The following TGM6 variants were observed in gnomAD, a reference collection of about 807,000 sequenced individuals.
TGM6 encodes the protein transglutaminase 6.
A neutral mutation model predicts 77.5 loss-of-function variants in TGM6; 74 were observed. The observed-to-expected ratio is 0.96, with a 90% confidence interval of 0.79 to 1.16. The LOEUF (loss-of-function observed/expected upper bound fraction) is 1.16, where lower values mean the gene tolerates loss of function less well. Among genes scored for constraint, TGM6 ranks in the 50% most tolerant of loss-of-function variants. The probability of loss-of-function intolerance (pLI) is 0.00; values close to 1 mark genes in which losing one functional copy is unlikely to be tolerated. For missense variants in TGM6, 968 were observed against 940.2 expected (o/e 1.03, Z -0.39); for synonymous variants, 383 against 378.9 (o/e 1.01, Z -0.12).
At chr20:2,423,045 T>C (rs1599968250) in intron 10 of TGM6, among the ~76,000 whole-genome samples, 1 of 151,768 alleles carries the variant, frequency 6.6e-6, no homozygotes, top group East Asian at 2.0e-4. Flanking sequence ...GGCTGCTACC[T>C]TAGTTGATAA....
chr20:2,430,632 C>G, intron 11 of TGM6, 32 bp downstream of exon 11: 1 of 1,613,332 alleles, frequency 6.2e-7, no homozygotes, highest in Middle Eastern at 1.7e-4. Flanking sequence ...CATGCTGTTC[C>G]TAGTGGCACC....
At position 2,417,833 on chromosome 20, in the gene TGM6, T is replaced by C. The variant is rs77254585; in HGVS notation, c.1678+260T>C. Among the ~76,000 whole-genome samples, 27,852 of 152,130 alleles carry C rather than the reference T, an allele frequency of 0.18. 2,649 individuals are homozygous for C. Among genetic ancestry groups the C allele is most frequent in the East Asian group, 0.25 (1,267 of 5,170 alleles). Reference sequence around the variant, plus strand: ...TCTGATGAAGATGTGATTTATAGTTTCTATTTTTTTAATTAGAATGAATAT... The same window carrying C: ...TCTGATGAAGATGTGATTTATAGTTCCTATTTTTTTAATTAGAATGAATAT... On this transcript the variant is annotated intron_variant, in intron 10 of 12. Coordinates refer to ENST00000202625, the MANE Select transcript of TGM6 (RefSeq NM_198994.3).
At chr20:2,395,141 A>G (rs1674420017) in intron 2 of TGM6, 53 bp from the exon 3 acceptor site, 1 of 1,599,450 alleles carries the variant, frequency 6.3e-7, no homozygotes, top group South Asian at 1.1e-5. Flanking sequence ...TCACTTCTCT[A>G]AAGCTGGGTT....
intron 1 of TGM6, among the ~76,000 whole-genome samples, chr20:2,393,334 T>G (rs1417799542): frequency 1.3e-5 from 2 of 152,132 alleles, no homozygotes; most frequent in Admixed American, 6.5e-5. Context: ...TTTTTGCATT[T>G]TTGTGCTTTT....
intron 9 of TGM6, among the ~76,000 whole-genome samples, chr20:2,412,514 A>T (rs1262735170): frequency 7.5e-6 from 1 of 132,496 alleles, no homozygotes; most frequent in African/African-American, 3.6e-5. Context: ...CACAATTTTT[A>T]AAATAGAAAG....
At chr20:2,423,252 A>G (rs1376500698) in intron 10 of TGM6, among the ~76,000 whole-genome samples, 1 of 151,254 alleles carries the variant, frequency 6.6e-6, no homozygotes, top group Non-Finnish European at 1.5e-5. Flanking sequence ...CCTTTCACGA[A>G]GGATTTCTCT....
intron 1 of TGM6, among the ~76,000 whole-genome samples, chr20:2,383,828 C>T (rs2084572918): frequency 6.6e-6 from 1 of 152,060 alleles, no homozygotes; most frequent in African/African-American, 2.4e-5. Context: ...TGTTTGTAGG[C>T]CGGGCGCGGT....
intron 5 of TGM6, among the ~76,000 whole-genome samples, chr20:2,399,133 T>A (rs1599950530): frequency 8.0e-6 from 1 of 124,910 alleles, no homozygotes; most frequent in East Asian, 2.2e-4. Flanking sequence ...GCTCAGTTTT[T>A]GCATCTGAAA....
At chr20:2,419,464 A>G (rs2084841758) in intron 10 of TGM6, among the ~76,000 whole-genome samples, 1 of 152,228 alleles carries the variant, frequency 6.6e-6, no homozygotes, top group South Asian at 2.1e-4. Flanking sequence ...ATTTTAATTA[A>G]CACACACTTC....
chr20:2,393,808 C>T (rs747780806), intron 1 of TGM6, among the ~76,000 whole-genome samples: 8 of 152,058 alleles, frequency 5.3e-5, no homozygotes, highest in Non-Finnish European at 1.2e-4. Flanking sequence ...ATTCCAGGCG[C>T]GAGCCACCAC....
chr20:2,399,141 A>AG (rs2084687987), intron 5 of TGM6, among the ~76,000 whole-genome samples: 1 of 90,396 alleles, frequency 1.1e-5, no homozygotes, highest in Non-Finnish European at 2.6e-5. Context: ...TTTGCATCTG[A>AG]AAAAAAAAAA....
intron 9 of TGM6, among the ~76,000 whole-genome samples, chr20:2,415,525 G>T (rs2084810392): frequency 6.6e-6 from 1 of 152,172 alleles, no homozygotes; most frequent in African/African-American, 2.4e-5. Flanking sequence ...ACAGATTAAT[G>T]AAAACAGTAA....
At chr20:2,381,601 T>A (rs1201577780) in intron 1 of TGM6, among the ~76,000 whole-genome samples, 1 of 152,124 alleles carries the variant, frequency 6.6e-6, no homozygotes, top group Non-Finnish European at 1.5e-5. Context: ...ACATCTCAAG[T>A]GGGGACTTGT....
In TGM6 at chr20:2,430,405, A is replaced by T. The variant is rs540212010; in HGVS notation, c.1679-41A>T. On this transcript the variant is annotated intron_variant, in intron 10 of 12. Transcript: ENST00000202625. ...CCTTCTTCCCAGTGCCATTGAAGAA[A>T]GACATCAAGCCCCAACTCCCACTTC... 6.9e-4 allele frequency: 1,118 copies of T among 1,613,130 alleles called. 11 individuals are homozygous for T. The South Asian group carries it at 0.012, about 17-fold the overall frequency.
chr20:2,399,669 T>C lies in TGM6; in HGVS notation c.781T>C (p.Trp261Arg), dbSNP rs1406891687. Residue 261 changes from tryptophan to arginine, a missense_variant, in exon 6 of 13, where the codon TGG (tryptophan) becomes CGG (arginine). Physicochemically the swap from Trp to Arg is moderately radical, Grantham distance 101. Transcript: ENST00000202625. ...WRGSVAILQK[W>R]LKGRYKPVKY... ...CGGCAGCGTGGCCATTCTGCAGAAG[T>C]GGCTCAAGGGCAGGTACAAGCCAGT... The C allele has an allele frequency of 6.2e-7, 1 of 1,613,736 alleles. No homozygotes were observed. The highest frequency in any genetic ancestry group is 1.7e-5 in the Admixed American group (1 of 60,004).
chr20:2,395,897 A>G (rs2084662016), intron 3 of TGM6, among the ~76,000 whole-genome samples: 1 of 152,200 alleles, frequency 6.6e-6, no homozygotes, highest in Non-Finnish European at 1.5e-5. Context: ...TTTAAGAAAT[A>G]TGGCCGGGTG....
At chr20:2,407,138 A>G (rs2084757862) in intron 9 of TGM6, among the ~76,000 whole-genome samples, 1 of 152,206 alleles carries the variant, frequency 6.6e-6, no homozygotes, top group Non-Finnish European at 1.5e-5. Context: ...CCCAGAGCCC[A>G]TGCTCCTCAC....
chr20:2,405,844 G>A (rs2084746982), intron 9 of TGM6, among the ~76,000 whole-genome samples: 2 of 152,198 alleles, frequency 1.3e-5, no homozygotes, highest in African/African-American at 4.8e-5. Flanking sequence ...GTGGGTAGAA[G>A]GAGCAGTCTT....
chr20:2,388,034 T>G (rs575770932), intron 1 of TGM6, among the ~76,000 whole-genome samples: 2 of 152,326 alleles, frequency 1.3e-5, no homozygotes, highest in African/African-American at 4.8e-5. Context: ...AGAAAGAAGC[T>G]GTATTAACTT....
Sources: gnomAD v4.1 joint callset for allele counts (sites outside exome capture counted in the v4.1 genomes callset) on GRCh38, gnomAD v4.1.1 for gene constraint, MANE v1.5 for transcripts, NCBI Gene and HGNC (gene_info 2026-07-23, HGNC 2026-07-21) for gene names.